Variants in BEST1 observed in about 807,000 individuals in gnomAD.
BEST1 encodes the protein bestrophin-1.
BEST1 carries 58 observed loss-of-function variants against 63.3 expected under a neutral mutation model. The observed-to-expected ratio is 0.92, with a 90% CI of 0.74 to 1.14. BEST1 has a LOEUF of 1.14. Among genes scored for constraint, BEST1 ranks in the 50% most tolerant of loss-of-function variants. The probability of loss-of-function intolerance (pLI) is 0.00; values close to 1 mark genes in which losing one functional copy is unlikely to be tolerated. For missense variants in BEST1, 671 were observed against 740.1 expected (o/e 0.91, Z 1.08); for synonymous variants, 283 against 291.6 (o/e 0.97, Z 0.30).
At chr11:61,965,003 T>G (rs754709149), downstream of BEST1, 4 of 1,614,114 alleles carry the variant, frequency 2.5e-6, no homozygotes, top group Non-Finnish European at 8.5e-7. Context: ...GTCATTTTTG[T>G]CAGTGGCCAG....
intron 3 of BEST1, 93 bp downstream of exon 3, chr11:61,955,294 TGGGGAGGGGGCG>T (rs1335817128): frequency 4.7e-6 from 5 of 1,069,340 alleles, no homozygotes; most frequent in Non-Finnish European, 6.8e-6. Context: ...GGCAAGGGGC[TGGGGAGGGGGCG>T]GGGGAACGCC....
At chr11:61,956,086 T>C in intron 4 of BEST1, 135 bp downstream of exon 4, 1 of 900,064 alleles carries the variant, frequency 1.1e-6, no homozygotes, top group South Asian at 1.7e-5. Context: ...TGGGGTGTAG[T>C]CAAGATTTGG....
chr11:61,958,453 G>A (rs562559651), intron 7 of BEST1, 155 bp downstream of exon 7: 32 of 1,535,852 alleles, frequency 2.1e-5, no homozygotes, highest in South Asian at 1.3e-4. Flanking sequence ...CCAGCTACTC[G>A]GGAGGCTGAG....
intron 2 of BEST1, chr11:61,954,742 G>A (rs1347357591): frequency 1.2e-5 from 11 of 953,970 alleles, no homozygotes; most frequent in Non-Finnish European, 1.2e-5. Context: ...GAACCACCGT[G>A]CCCGTCCCAA....
At chr11:61,960,459 C>T in intron 9 of BEST1, 1 of 234,472 alleles carries the variant, frequency 4.3e-6, no homozygotes, top group Non-Finnish European at 8.7e-6. Flanking sequence ...CAACCTCCGC[C>T]TCCTGGGTTC....
At chr11:61,959,692 C>T in intron 8 of BEST1, 114 bp downstream of exon 8, 1 of 1,327,528 alleles carries the variant, frequency 7.5e-7, no homozygotes, top group Non-Finnish European at 1.1e-6. Flanking sequence ...CCTTCCCCTC[C>T]TCCCTCCTGC....
intron 9 of BEST1, 60 bp from the exon 10 acceptor site, chr11:61,962,195 A>G (rs1404019818): frequency 1.9e-6 from 3 of 1,585,054 alleles, no homozygotes; most frequent in Non-Finnish European, 2.6e-6. Context: ...AGGGAGAAGT[A>G]AGGCCAGGTG....
intron 3 of BEST1, 99 bp from the exon 4 acceptor site, chr11:61,955,619 G>A: frequency 7.4e-7 from 1 of 1,346,766 alleles, no homozygotes; most frequent in Non-Finnish European, 1.0e-6. Flanking sequence ...CCCGCTCGCA[G>A]CAGAAAGCTG....
rs369207712 is a variant in BEST1, at chr11:61,964,143, C to T, written c.*21C>T. 6.2e-7 allele frequency: 1 copy of T among 1,613,806 alleles called. No individual in the cohort carries two copies. ...CCTAACCTGCTTCCTAATGGGGATG[C>T]TTCGCCAGCCAGGTCCTCACCTGTG... On this transcript the variant is annotated 3_prime_UTR_variant, in exon 11 of 11. Coordinates refer to ENST00000378043, the MANE Select transcript of BEST1 (RefSeq NM_004183.4).
chr11:61,963,776 A>T lies in BEST1; in HGVS notation c.1740-328A>T, dbSNP rs573571751. 1.4e-5 allele frequency: 17 copies of T among 1,214,902 alleles called. No homozygotes were observed. The East Asian group carries it at 6.4e-4, about 45-fold the overall frequency. The allele number at this position is 1,214,902 out of a possible 1,614,324, so 75.3% of individuals were successfully genotyped here. On this transcript the variant is annotated intron_variant, in intron 10 of 10. Transcript: ENST00000378043. Reference sequence around the variant, plus strand: ...TTGTCTTGGGCTGGGTGTGGAGGCAAGTGGATCACAGGAGGTCAGGAGTTT... The same window carrying T: ...TTGTCTTGGGCTGGGTGTGGAGGCATGTGGATCACAGGAGGTCAGGAGTTT...
chr11:61,957,121 T>C, intron 5 of BEST1, 123 bp downstream of exon 5: 1 of 1,429,306 alleles, frequency 7.0e-7, no homozygotes, highest in Non-Finnish European at 9.6e-7. Context: ...TGAGGTGGGG[T>C]TGCAGAATCT....
At chr11:61,954,740 G>T (rs2736594) in intron 2 of BEST1, 88,313 of 949,656 alleles carry the variant, frequency 0.093, 8,146 homozygotes, top group East Asian at 0.68. Flanking sequence ...GTGAACCACC[G>T]TGCCCGTCCC....
Position 61,963,182 on chromosome 11 carries a change from G to A in BEST1, c.1739+289G>A, listed in dbSNP as rs945300375. On this transcript the variant is annotated intron_variant, in intron 10 of 10. Transcript: ENST00000378043. ...CTGACCAGAATGCTGCTGGAGAACTGCCCCAGGGCTGACAGGCCAGGCTTA... is the reference window on the plus strand; with the variant it reads ...CTGACCAGAATGCTGCTGGAGAACTACCCCAGGGCTGACAGGCCAGGCTTA... The A allele has an allele frequency of 8.3e-6, 12 of 1,437,832 alleles. No individual in the cohort carries two copies. In the East Asian group the frequency reaches 3.0e-4, roughly 36 times the overall value. The allele number at this position is 1,437,832 out of a possible 1,614,324, so 89.1% of individuals were successfully genotyped here.
downstream of BEST1, chr11:61,965,341 T>C: frequency 1.2e-6 from 2 of 1,612,624 alleles, no homozygotes; most frequent in African/African-American, 1.3e-5. Flanking sequence ...GATGATGAAG[T>C]ATGACACCCC....
chr11:61,951,896 G>C lies in BEST1; in HGVS notation c.90G>C (p.Lys30Asn). 2 of 1,613,390 alleles carry C rather than the reference G, an allele frequency of 1.2e-6. No homozygotes were observed. Among genetic ancestry groups the C allele is most frequent in the Non-Finnish European group, 1.7e-6 (2 of 1,179,930 alleles). Reference protein sequence around the residue: ...LLLCWRGSIYKLLYGEFLIFL... With the variant: ...LLLCWRGSIYNLLYGEFLIFL... ...TGTGCTGGCGGGGCAGCATCTACAA[G>C]CTGCTATATGGCGAGTTCTTAATCT... Residue 30 changes from lysine to asparagine, a missense_variant, in exon 2 of 11, where the codon AAG (lysine) becomes AAC (asparagine). By Grantham distance (94) the Lys-to-Asn change is moderately conservative. Coordinates refer to ENST00000378043, the MANE Select transcript of BEST1 (RefSeq NM_004183.4).
At chr11:61,964,905 G>A (rs1186137162), downstream of BEST1, 5 of 1,611,920 alleles carry the variant, frequency 3.1e-6, no homozygotes, top group African/African-American at 5.3e-5. Context: ...CAAAACAATG[G>A]GGAAGACAGT....
rs1480112811 is a variant in BEST1, at chr11:61,955,119, GGAA to G, written c.169_171del (p.Glu57del). The G allele has an allele frequency of 3.3e-6, 5 of 1,511,384 alleles. No individual in the cohort carries two copies. The highest frequency in any genetic ancestry group is 4.6e-6 in the Non-Finnish European group (5 of 1,085,680). 93.6% of individuals were successfully genotyped at this position (1,511,384 alleles called of 1,614,324 possible). On this transcript the variant is annotated inframe_deletion, in exon 3 of 11. Coordinates refer to ENST00000378043, the MANE Select transcript of BEST1 (RefSeq NM_004183.4). Reference sequence around the variant, plus strand: ...CCCCCACCCCCAGGCTGGCCCTCACGGAAGAACAACAGCTGATGTTTGAGAAAC... The same window carrying G: ...CCCCCACCCCCAGGCTGGCCCTCACGGAACAACAGCTGATGTTTGAGAAAC...
In BEST1 at chr11:61,964,209, CTGTCCACACTGAAGAACA is replaced by C. The variant is rs1942369180; in HGVS notation, c.*93_*110del. The C allele has an allele frequency of 2.5e-6, 4 of 1,602,906 alleles. No individual in the cohort carries two copies. In the South Asian group the frequency reaches 4.5e-5, roughly 18 times the overall value. ...CACTGATCCAGTCACAGCCATACAG[CTGTCCACACTGAAGAACA>C]TGTCCTACAACAGCCTGAATCAAAT... On this transcript the variant is annotated 3_prime_UTR_variant, in exon 11 of 11. Transcript: ENST00000378043.
intron 4 of BEST1, 25 bp downstream of exon 4, chr11:61,955,976 A>T (rs771329872): frequency 6.5e-7 from 1 of 1,540,626 alleles, no homozygotes; most frequent in Non-Finnish European, 8.8e-7. Flanking sequence ...AGCAACGGGG[A>T]GGCACCGGGC....
Sources: gnomAD v4.1 joint callset for allele counts on GRCh38, gnomAD v4.1.1 for gene constraint, MANE v1.5 for transcripts, NCBI Gene and HGNC (gene_info 2026-07-23, HGNC 2026-07-21) for gene names.